LHFPL3: variants seen among roughly 807,000 people sequenced by gnomAD.
LHFPL3 encodes the protein LHFPL tetraspan subfamily member 3.
Under a neutral mutation model 19.3 loss-of-function variants are expected in LHFPL3, and 5 were observed. The ratio of observed to expected loss-of-function variants is 0.26; its 90% CI spans 0.14 to 0.54. LHFPL3 has a LOEUF of 0.54. LHFPL3 is among the 20% of genes least tolerant of loss of function. The pLI is 0.94. For missense variants in LHFPL3, 249 were observed against 307.4 expected, an observed-to-expected ratio of 0.81 and a Z score of 1.42; for synonymous variants, 133 against 126.2, an observed-to-expected ratio of 1.05 and a Z score of -0.36.
rs1336615632 is a variant in LHFPL3, at chr7:104,417,418, A to G, written c.445+88194A>G. Among the ~76,000 whole-genome samples the G allele has an allele frequency of 2.0e-5, 3 of 152,258 alleles. No individual in the cohort carries two copies. In the East Asian group the frequency reaches 5.8e-4, roughly 29 times the overall value. On this transcript the variant is annotated intron_variant, in intron 1 of 2. Coordinates refer to ENST00000424859, the MANE Select transcript of LHFPL3 (RefSeq NM_199000.3). ...AAAGTTTCTTTGTAACTCAATTGAT[A>G]AAATAGGCATAAAATGGTGCCTTAA...
chr7:104,343,850 G>A (rs1046473624), intron 1 of LHFPL3, among the ~76,000 whole-genome samples: 1 of 151,908 alleles, frequency 6.6e-6, no homozygotes, highest in Non-Finnish European at 1.5e-5. Context: ...TGAGTCTTGA[G>A]TTTTGTGTTA....
At chr7:104,666,509 A>ATTATTTTTTTTTTTTTTTTTTT (rs1315147894) in intron 1 of LHFPL3, among the ~76,000 whole-genome samples, 1 of 44,162 alleles carries the variant, frequency 2.3e-5, no homozygotes, top group Non-Finnish European at 4.6e-5. Flanking sequence ...ACAGGATTTC[A>ATTATTTTTTTTTTTTTTTTTTT]TTCTTTTTTT....
chr7:104,721,284 A>G (rs1409914476), intron 1 of LHFPL3, among the ~76,000 whole-genome samples: 5 of 152,184 alleles, frequency 3.3e-5, no homozygotes, highest in African/African-American at 1.2e-4. Context: ...AAACTATCAC[A>G]AGGACAGAAA....
chr7:104,619,024 A>G (rs10953437), intron 1 of LHFPL3, among the ~76,000 whole-genome samples: 150,969 of 152,364 alleles, frequency 0.99, 74,800 homozygotes, highest in East Asian at 1. Context: ...ACCATTTATC[A>G]TGATTGTATC....
chr7:104,392,086 C>A (rs891191319), intron 1 of LHFPL3, among the ~76,000 whole-genome samples: 5 of 152,150 alleles, frequency 3.3e-5, no homozygotes, highest in African/African-American at 1.2e-4. Flanking sequence ...AGATTTTGGG[C>A]TGAGATGATG....
intron 1 of LHFPL3, among the ~76,000 whole-genome samples, chr7:104,359,162 C>T (rs1366249751): frequency 6.6e-6 from 1 of 152,176 alleles, no homozygotes; most frequent in East Asian, 1.9e-4. Flanking sequence ...AACTAGAAAC[C>T]ACACGTTGCA....
At chr7:104,434,425 C>T (rs1792061595) in intron 1 of LHFPL3, among the ~76,000 whole-genome samples, 1 of 152,208 alleles carries the variant, frequency 6.6e-6, no homozygotes, top group South Asian at 2.1e-4. Context: ...CTGGGGATGA[C>T]ATGCATCGCT....
At chr7:104,811,184 T>C (rs938916258) in intron 2 of LHFPL3, among the ~76,000 whole-genome samples, 1 of 150,458 alleles carries the variant, frequency 6.6e-6, no homozygotes, top group South Asian at 2.1e-4. Flanking sequence ...TCTTTTCTTT[T>C]CTTTTCTTTT....
intron 1 of LHFPL3, among the ~76,000 whole-genome samples, chr7:104,477,791 A>G (rs1392999392): frequency 1.3e-5 from 2 of 152,206 alleles, no homozygotes; most frequent in African/African-American, 2.4e-5. Context: ...TCCTACATAC[A>G]AAAGCATTAA....
intron 1 of LHFPL3, among the ~76,000 whole-genome samples, chr7:104,542,100 G>A (rs960535520): frequency 6.6e-6 from 1 of 151,834 alleles, no homozygotes; most frequent in Non-Finnish European, 1.5e-5. Flanking sequence ...AATTCACAGG[G>A]CTCTCCTTCC....
At chr7:104,392,770 C>T (rs1302385777) in intron 1 of LHFPL3, among the ~76,000 whole-genome samples, 1 of 152,058 alleles carries the variant, frequency 6.6e-6, no homozygotes, top group East Asian at 1.9e-4. Flanking sequence ...GGTACCAGCT[C>T]CTCTTTGTAC....
chr7:104,585,370 C>T (rs973210898), intron 1 of LHFPL3, among the ~76,000 whole-genome samples: 1 of 152,030 alleles, frequency 6.6e-6, no homozygotes, highest in Non-Finnish European at 1.5e-5. Flanking sequence ...CCGCACAGGG[C>T]TCTTCAGCAT....
Position 104,812,901 on chromosome 7 carries a change from A to G in LHFPL3, c.682+75990A>G, listed in dbSNP as rs1182453108. ...GGCCGAGGTGGGCAGGTCACAAGGTAAGGAGTTCAAGACCAGCCTGGCCAA... is the reference window on the plus strand; with the variant it reads ...GGCCGAGGTGGGCAGGTCACAAGGTGAGGAGTTCAAGACCAGCCTGGCCAA... On this transcript the variant is annotated intron_variant, in intron 2 of 2. Coordinates refer to ENST00000424859, the MANE Select transcript of LHFPL3 (RefSeq NM_199000.3). Among the ~76,000 whole-genome samples the G allele has an allele frequency of 4.1e-5, 6 of 147,492 alleles. No individual in the cohort carries two copies. In the East Asian group the frequency reaches 1.0e-3, roughly 25 times the overall value.
At chr7:104,729,778 G>A (rs946816682) in intron 1 of LHFPL3, among the ~76,000 whole-genome samples, 1 of 151,698 alleles carries the variant, frequency 6.6e-6, no homozygotes, top group African/African-American at 2.4e-5. Flanking sequence ...TAAGTTCTAG[G>A]GTACATGTGC....
chr7:104,847,932 C>T (rs890621523), intron 2 of LHFPL3, among the ~76,000 whole-genome samples: 2 of 152,236 alleles, frequency 1.3e-5, no homozygotes, highest in Non-Finnish European at 2.9e-5. Flanking sequence ...CACATCTAGT[C>T]TGCAGCAGCC....
At chr7:104,444,055 G>A (rs888634755) in intron 1 of LHFPL3, among the ~76,000 whole-genome samples, 2 of 152,196 alleles carry the variant, frequency 1.3e-5, no homozygotes, top group Non-Finnish European at 2.9e-5. Context: ...ATAGAGGATG[G>A]GAAGACTATC....
At chr7:104,648,343 A>G (rs751183867) in intron 1 of LHFPL3, among the ~76,000 whole-genome samples, 4 of 152,330 alleles carry the variant, frequency 2.6e-5, no homozygotes, top group Non-Finnish European at 5.9e-5. Context: ...CCAATGAGCC[A>G]TATTTCCTCC....
intron 1 of LHFPL3, among the ~76,000 whole-genome samples, chr7:104,412,979 G>A (rs965374540): frequency 2.6e-5 from 4 of 152,116 alleles, no homozygotes; most frequent in Non-Finnish European, 4.4e-5. Context: ...AAAGTTCTTC[G>A]TCCATTGCAC....
intron 1 of LHFPL3, among the ~76,000 whole-genome samples, chr7:104,393,906 G>A (rs1299764678): frequency 1.3e-5 from 2 of 152,112 alleles, no homozygotes; most frequent in African/African-American, 4.8e-5. Context: ...TGGATCCCTA[G>A]AGACAGAAGA....
Sources: allele counts gnomAD v4.1 joint callset (sites outside exome capture counted in the v4.1 genomes callset), GRCh38; gene constraint gnomAD v4.1.1; transcripts MANE v1.5; gene names NCBI Gene and HGNC (gene_info 2026-07-23, HGNC 2026-07-21).